OR11A1: variants seen among roughly 807,000 people sequenced by gnomAD.
OR11A1 encodes the protein olfactory receptor 11A1.
For missense variants in OR11A1, 380 were observed against 378.2 expected (o/e 1.00, Z -0.04); for synonymous variants, 158 against 152.2 (o/e 1.04, Z -0.28).
intron 1 of OR11A1, among the ~76,000 whole-genome samples, chr6:29,438,036 G>GT (rs1476259589): frequency 2.0e-5 from 3 of 152,314 alleles, no homozygotes; most frequent in African/African-American, 7.2e-5. Flanking sequence ...ATATAAAGGA[G>GT]TCAGAAGAAA....
In OR11A1 at chr6:29,427,221, G is replaced by T; in HGVS notation, c.421C>A (p.Arg141=). 6.2e-7 allele frequency: 1 copy of T among 1,613,100 alleles called. No homozygotes were observed. The highest frequency in any genetic ancestry group is 8.5e-7 in the Non-Finnish European group (1 of 1,180,032). The change falls in exon 5 of 5, where the codon CGG becomes AGG. Residue 141 remains arginine, a synonymous_variant. Transcript: ENST00000377149. ...GTTGTGACCACCAGCCCCATGTACCGTCTGGGCCCCATCAGGAGTGGGTAG... is the reference window on the plus strand; with the variant it reads ...GTTGTGACCACCAGCCCCATGTACCTTCTGGGCCCCATCAGGAGTGGGTAG... ...LHYPLLMGPR[R]YMGLVVTTWL... is the part of the protein sequence containing the mutation.
chr6:29,439,867 T>C (rs1488233958), intron 1 of OR11A1: 20 of 647,224 alleles, frequency 3.1e-5, no homozygotes, highest in Non-Finnish European at 4.5e-5. Context: ...GGCTGCCTAA[T>C]TTCAAAGTCC....
intron 1 of OR11A1, among the ~76,000 whole-genome samples, chr6:29,434,458 T>C (rs1783482786): frequency 6.6e-6 from 1 of 152,220 alleles, no homozygotes; most frequent in African/African-American, 2.4e-5. Flanking sequence ...TATGATCATA[T>C]GGTTTTATCT....
chr6:29,436,380 T>G (rs3094561), intron 1 of OR11A1, among the ~76,000 whole-genome samples: 93,948 of 151,964 alleles, frequency 0.62, 29,517 homozygotes, highest in African/African-American at 0.74. Context: ...AGCACAAAAA[T>G]GTTGCAATGG....
At chr6:29,451,470 A>T (rs903453666) in intron 1 of OR11A1, among the ~76,000 whole-genome samples, 3 of 152,184 alleles carry the variant, frequency 2.0e-5, no homozygotes, top group East Asian at 3.8e-4. Flanking sequence ...AAAGTCTAAT[A>T]TCCAGAGCTT....
rs1316128693 is a variant in OR11A1, at chr6:29,427,540, A to G, written c.102T>C (p.Thr34=). Residue 34 remains threonine (T), a synonymous_variant, in exon 5 of 5, where the codon ACT becomes ACC. Coordinates refer to ENST00000377149, the MANE Select transcript of OR11A1 (RefSeq NM_001394828.1). ...CTATGATGATGAAGACATAGACAGC[A>G]GTGAATACAATAAAAAACAAGAAAT... is the stretch of plus-strand genomic sequence containing the variant. ...ELHFLFFIVF[T]AVYVFIIIGN... The G allele has an allele frequency of 6.2e-7, 1 of 1,613,092 alleles. No homozygotes were observed. The highest frequency in any genetic ancestry group is 1.7e-5 in the Admixed American group (1 of 60,024).
At position 29,426,346 on chromosome 6, in the gene OR11A1, T is replaced by G; in HGVS notation, c.*348A>C. The stretch of plus-strand genomic sequence containing the variant: ...TAAATTATGAAAACATATGGATACA[T>G]AGAGGGGAACAACACACTGAATCCT... On this transcript the variant is annotated 3_prime_UTR_variant, in exon 5 of 5. Coordinates refer to ENST00000377149, the MANE Select transcript of OR11A1 (RefSeq NM_001394828.1). 4.4e-6 allele frequency: 1 copy of G among 227,192 alleles called. No homozygotes were observed. The allele number at this position is 227,192 out of a possible 1,614,324, so 14.1% of individuals were successfully genotyped here. A position where few individuals can be genotyped will look rare whatever the true frequency, so the allele number is the denominator to read the frequency against.
intron 1 of OR11A1, chr6:29,440,450 G>T (rs1784044552): frequency 6.2e-7 from 1 of 1,614,062 alleles, no homozygotes; most frequent in Admixed American, 1.7e-5. Flanking sequence ...AGCTAGCTGG[G>T]TCGGCGTGGG....
At chr6:29,440,430 G>T in intron 1 of OR11A1, 1 of 1,614,068 alleles carries the variant, frequency 6.2e-7, no homozygotes, top group Non-Finnish European at 8.5e-7. Context: ...GAGCCACCGG[G>T]TGTGTCTACA....
intron 1 of OR11A1, among the ~76,000 whole-genome samples, chr6:29,455,874 CA>C (rs9256960): frequency 0.012 from 971 of 80,966 alleles, 6 homozygotes; most frequent in Admixed American, 0.023. Context: ...AGACTTGTCT[CA>C]AAAAAAAAAA....
chr6:29,443,129 C>T (rs1372471097), intron 1 of OR11A1, among the ~76,000 whole-genome samples: 1 of 152,090 alleles, frequency 6.6e-6, no homozygotes, highest in Non-Finnish European at 1.5e-5. Flanking sequence ...TATGGAAGTA[C>T]AATTGGCATA....
chr6:29,440,059 G>T (rs1783979712), intron 1 of OR11A1: 1 of 1,613,038 alleles, frequency 6.2e-7, no homozygotes, highest in Admixed American at 1.7e-5. Flanking sequence ...CTTCTTCTCG[G>T]CTTCTCCCAC....
Position 29,451,505 on chromosome 6 carries a change from A to T in OR11A1, c.-389+5482T>A, listed in dbSNP as rs185913508. Among the ~76,000 whole-genome samples, 90 of 152,098 alleles carry T rather than the reference A, an allele frequency of 5.9e-4. 1 individual carries two copies. In the East Asian group the frequency reaches 7.1e-3, roughly 12 times the overall value. On this transcript the variant is annotated intron_variant, in intron 1 of 4. Coordinates refer to ENST00000377149, the MANE Select transcript of OR11A1 (RefSeq NM_001394828.1). Reference sequence around the variant, plus strand: ...TATAAGGAACTTAAAGAGAAAAAAAATTTTTTTTAAATGGGCAAAGGACAT... The same window carrying T: ...TATAAGGAACTTAAAGAGAAAAAAATTTTTTTTTAAATGGGCAAAGGACAT...
rs919650629 is a variant in OR11A1, at chr6:29,456,101, A to G, written c.-389+886T>C. ...AATAATTAGCTGGGCATGGTGGTAC[A>G]TGTCTATAATCCCAGCTACTCAGGA... On this transcript the variant is annotated intron_variant, in intron 1 of 4. Transcript: ENST00000377149. Among the ~76,000 whole-genome samples, 21 of 151,042 alleles carry G rather than the reference A, an allele frequency of 1.4e-4. 1 individual carries two copies. Among genetic ancestry groups the G allele is most frequent in the Admixed American group, 8.6e-4 (13 of 15,172 alleles).
In OR11A1 at chr6:29,427,438, C is replaced by G. The variant is rs1164055778; in HGVS notation, c.204G>C (p.Leu68=). The G allele has an allele frequency of 1.2e-6, 2 of 1,613,106 alleles. No individual in the cohort carries two copies. Among genetic ancestry groups the G allele is most frequent in the South Asian group, 2.2e-5 (2 of 91,076 alleles). ...HKPMYIFLAN[L]SFLDILYTSA... ...AGGTGTAGAGAATATCCAGGAAGGACAGATTCGCCAAGAAAATATACATGG... is the reference window on the plus strand; with the variant it reads ...AGGTGTAGAGAATATCCAGGAAGGAGAGATTCGCCAAGAAAATATACATGG... Residue 68 remains leucine, a synonymous_variant, in exon 5 of 5, where the codon CTG becomes CTC. Transcript: ENST00000377149.
intron 1 of OR11A1, among the ~76,000 whole-genome samples, chr6:29,455,144 A>G (rs1785925161): frequency 1.3e-5 from 2 of 152,200 alleles, no homozygotes. Context: ...ACTTAACTGC[A>G]AAAAGATAAT....
rs1032701663 is a variant in OR11A1 at position 29,425,547 on chromosome 6, T to G, written c.*1147A>C. 2 of 152,186 alleles carry G rather than the reference T, an allele frequency of 1.3e-5. No individual in the cohort carries two copies. Among genetic ancestry groups the G allele is most frequent in the African/African-American group, 4.8e-5 (2 of 41,448 alleles). The allele number at this position is 152,186 out of a possible 1,614,324, so 9.4% of individuals were successfully genotyped here. On this transcript the variant is annotated 3_prime_UTR_variant, in exon 5 of 5. Transcript: ENST00000377149. ...AAATGTCTTTATTAGTCACAGATTA[T>G]ACTAAATACATATGTGGAATATGTA... is the stretch of plus-strand genomic sequence containing the variant.
chr6:29,445,483 C>T (rs764442127), intron 1 of OR11A1, among the ~76,000 whole-genome samples: 6 of 152,134 alleles, frequency 3.9e-5, no homozygotes, highest in Non-Finnish European at 7.4e-5. Context: ...GAAGACTCAC[C>T]GGCTCACAAG....
chr6:29,432,087 G>A, intron 1 of OR11A1, 100 bp from the exon 2 acceptor site: 1 of 804,512 alleles, frequency 1.2e-6, no homozygotes, highest in Non-Finnish European at 1.5e-6. Flanking sequence ...CTAGCTCTCA[G>A]GCTATTCTGT....
Sources: gnomAD v4.1 joint callset for allele counts (sites outside exome capture counted in the v4.1 genomes callset) on GRCh38, gnomAD v4.1.1 for gene constraint, MANE v1.5 for transcripts, NCBI Gene and HGNC (gene_info 2026-07-23, HGNC 2026-07-21) for gene names.